The following EXOC3L1 variants were observed in gnomAD, a reference collection of about 807,000 sequenced individuals.
EXOC3L1 encodes the protein exocyst complex component 3 like 1.
In EXOC3L1, 79 loss-of-function variants were observed where a neutral mutation model predicts 83.6. The ratio of observed to expected loss-of-function variants is 0.95; its 90% confidence interval spans 0.79 to 1.14. The LOEUF is 1.14. Ranked by LOEUF, EXOC3L1 falls within the 50% of genes most tolerant of loss-of-function variation. EXOC3L1 has a pLI of 0.00. For missense variants in EXOC3L1, 945 were observed against 972.0 expected (o/e 0.97, Z 0.37); for synonymous variants, 433 against 451.2 (o/e 0.96, Z 0.51).
chr16:67,186,584 A>C lies in EXOC3L1; in HGVS notation c.1358T>G (p.Leu453Arg). Residue 453 changes from leucine to arginine, a missense_variant, in exon 8 of 14, where the codon CTG becomes CGG. Coordinates refer to ENST00000314586, the MANE Select transcript of EXOC3L1 (RefSeq NM_178516.4). Reference sequence around the variant, plus strand: ...CCTCAAGAATGTGCCCAGTTCTGACAGTGCCATGCCATGCACTCGCTGTTG... The same window carrying C: ...CCTCAAGAATGTGCCCAGTTCTGACCGTGCCATGCCATGCACTCGCTGTTG... ...SLQQRVHGMALSELGTFLRSF... is the reference protein window; with the variant it reads ...SLQQRVHGMARSELGTFLRSF... 6.2e-7 allele frequency: 1 copy of C among 1,614,082 alleles called. No individual in the cohort carries two copies. Among genetic ancestry groups the C allele is most frequent in the Non-Finnish European group, 8.5e-7 (1 of 1,179,958 alleles).
Position 67,185,052 on chromosome 16 carries a change from C to A in EXOC3L1, c.1755G>T (p.Leu585=). The A allele has an allele frequency of 1.2e-6, 2 of 1,609,672 alleles. No individual in the cohort carries two copies. The highest frequency in any genetic ancestry group is 4.5e-5 in the East Asian group (2 of 44,798). The change falls in exon 12 of 14, where the codon CTG becomes CTT. Residue 585 remains leucine, a synonymous_variant. Transcript: ENST00000314586. ...CCACGGCACGCTCGGCCTCAGCCAG[C>A]AGCAGCTGCGGGGAGGCAATCAGGC... ...WRVRNPTVQL[L]LAEAERAVVL... is the part of the protein sequence containing the mutation.
Position 67,189,047 on chromosome 16 carries a change from A to G in EXOC3L1, c.180T>C (p.Arg60=). 1 of 1,608,210 alleles carries G rather than the reference A, an allele frequency of 6.2e-7. No homozygotes were observed. Residue 60 remains arginine (R), a synonymous_variant, in exon 3 of 14, where the codon CGT becomes CGC. Transcript: ENST00000314586. The stretch of plus-strand genomic sequence containing the variant: ...TGAGGCGCGATTCCAGGGAGCAGGT[A>G]CGCTGCACCTCGCGGCTGCGGTACT... ...LGQYRSREVQ[R]TCSLESRLKS... is the part of the protein sequence containing the mutation.
intron 2 of EXOC3L1, among the ~76,000 whole-genome samples, chr16:67,189,421 C>G (rs569138868): frequency 2.0e-5 from 3 of 152,178 alleles, no homozygotes; most frequent in African/African-American, 4.8e-5. Context: ...GGATTACAGG[C>G]GCGTGCCATC....
Position 67,184,603 on chromosome 16 carries a change from C to T in EXOC3L1, c.2032G>A (p.Glu678Lys). 2 of 1,584,736 alleles carry T rather than the reference C, an allele frequency of 1.3e-6. No individual in the cohort carries two copies. Among genetic ancestry groups the T allele is most frequent in the Non-Finnish European group, 1.7e-6 (2 of 1,171,780 alleles). ...GLRQQFPDVS[E>K]DHVSALLGLR... ...CCCAAGAGGGCGGAGACGTGGTCCT[C>T]GCTGCAGGGGCACCAAGGAGGCGCG... Residue 678 changes from glutamate (E) to lysine (K), a missense_variant and splice_region_variant, in exon 14 of 14, where the codon GAG becomes AAG. Transcript: ENST00000314586.
rs768754815 is a variant in EXOC3L1 at position 67,185,489 on chromosome 16, A to G, written c.1498T>C (p.Ser500Pro). The change falls in exon 10 of 14, where the codon TCC becomes CCC. Residue 500 changes from serine to proline, a missense_variant and splice_region_variant. Physicochemically the swap from Ser to Pro is moderately conservative, Grantham distance 74. Coordinates refer to ENST00000314586, the MANE Select transcript of EXOC3L1 (RefSeq NM_178516.4). ...TCCAGCTGCAGGACAGACACTGAGG[A>G]GCTGGACCAAGCAAAACTACGGCTT... Reference protein sequence around the residue: ...AALNHKSALSSSVSVLQLDGA... With the variant: ...AALNHKSALSPSVSVLQLDGA... 3.7e-6 allele frequency: 6 copies of G among 1,605,894 alleles called. No homozygotes were observed. In the African/African-American group the frequency reaches 5.3e-5, roughly 14 times the overall value.
rs1487733319 is a variant in EXOC3L1 at position 67,186,299 on chromosome 16, T to C, written c.1434A>G (p.Lys478=). The C allele has an allele frequency of 2.5e-6, 4 of 1,575,412 alleles. No individual in the cohort carries two copies. In the South Asian group the frequency reaches 4.6e-5, roughly 18 times the overall value. Residue 478 remains lysine (K), a synonymous_variant, in exon 9 of 14, where the codon AAA becomes AAG. Transcript: ENST00000314586. ...AGGGCACGTAATGAGGGGCCATTGA[T>C]TTCCCCCTGAAGTGGTCTCGGGAGA... ...IRFSRDHFRG[K]SMAPHYVPYL...
chr16:67,187,401 G>A lies in EXOC3L1; in HGVS notation c.864C>T (p.Ala288=). 3 of 1,612,380 alleles carry A rather than the reference G, an allele frequency of 1.9e-6. No individual in the cohort carries two copies. Among genetic ancestry groups the A allele is most frequent in the Non-Finnish European group, 2.5e-6 (3 of 1,179,918 alleles). The change falls in exon 5 of 14, where the codon GCC becomes GCT. Residue 288 remains alanine, a synonymous_variant. Transcript: ENST00000314586. ...AAGGCGCTACTAGTGCCTCAGCTGT[G>A]GCCAACTCGACTGGCAGGGCCACTC... is the stretch of plus-strand genomic sequence containing the variant. The part of the protein sequence containing the change: ...ALRVALPVEL[A]TAEALVAPCC...
rs752062351 is a variant in EXOC3L1 at position 67,185,425 on chromosome 16, G to A, written c.1562C>T (p.Ala521Val). 33 of 1,612,002 alleles carry A rather than the reference G, an allele frequency of 2.0e-5. No homozygotes were observed. The highest frequency in any genetic ancestry group is 2.8e-5 in the Non-Finnish European group (33 of 1,180,022). The change falls in exon 10 of 14, where the codon GCG (alanine) becomes GTG (valine). Residue 521 changes from alanine (A) to valine (V), a missense_variant. Transcript: ENST00000314586. ...PSGALAPVEA[A>V]LDELQRRIYR... ...GATCCTCCTCTGCAACTCGTCCAGCGCAGCTTCCACTGGAGCCAAGGCCCC... is the reference window on the plus strand; with the variant it reads ...GATCCTCCTCTGCAACTCGTCCAGCACAGCTTCCACTGGAGCCAAGGCCCC...
chr16:67,187,743 C>G lies in EXOC3L1; in HGVS notation c.522G>C (p.Glu174Asp). The change falls in exon 5 of 14, where the codon GAG (glutamate) becomes GAC (aspartate). Residue 174 changes from glutamate to aspartate, a missense_variant. Glu to Asp is a conservative substitution (Grantham distance 45). Coordinates refer to ENST00000314586, the MANE Select transcript of EXOC3L1 (RefSeq NM_178516.4). ...GGCCCCCCAGGGGTGCCCACGTATC[C>G]TCTCGCAGCTGCTCCAGCTCCCGAA... ...VSLRELEQLR[E>D]DTWAPLGGLE... 1 of 1,613,070 alleles carries G rather than the reference C, an allele frequency of 6.2e-7. No homozygotes were observed. Among genetic ancestry groups the G allele is most frequent in the Non-Finnish European group, 8.5e-7 (1 of 1,180,010 alleles).
chr16:67,187,524 G>A lies in EXOC3L1; in HGVS notation c.741C>T (p.Arg247=). 6.2e-7 allele frequency: 1 copy of A among 1,602,522 alleles called. No individual in the cohort carries two copies. The highest frequency in any genetic ancestry group is 8.5e-7 in the Non-Finnish European group (1 of 1,178,306). The change falls in exon 5 of 14, where the codon CGC becomes CGT. Residue 247 remains arginine (R), a synonymous_variant. Transcript: ENST00000314586. ...GGCCCTCCTGTAGTGCCCTCAGACA[G>A]CGCTGACGCCAGTCCCGGGGGACCT... ...LGQVPRDWRQ[R]CLRALQEGLE...
rs755525949 is a variant in EXOC3L1, at chr16:67,187,477, G to T, written c.788C>A (p.Ser263Ter). 3.1e-6 allele frequency: 5 copies of T among 1,606,336 alleles called. No individual in the cohort carries two copies. The highest frequency in any genetic ancestry group is 3.4e-6 in the Non-Finnish European group (4 of 1,179,516). Residue 263 changes from serine (S) to a stop codon, truncating the protein, a stop_gained, in exon 5 of 14, where the codon TCA becomes TAA. Transcript: ENST00000314586. LOFTEE classifies it high-confidence loss of function. ...QEGLEQAHFG[S>*]PLLPAPGALP... ...GGCCCCTGGTGCAGGCAGCAGAGGT[G>T]ACCCAAAGTGGGCCTGCTCCAGGCC... is the stretch of plus-strand genomic sequence containing the variant.
At chr16:67,185,084 A>G (rs1385113667) in intron 11 of EXOC3L1, 27 bp from the exon 12 acceptor site, 1 of 1,611,930 alleles carries the variant, frequency 6.2e-7, no homozygotes, top group African/African-American at 1.3e-5. Context: ...AGGCGGGTGC[A>G]GGTCGCCTCT....
rs1163617508 is a variant in EXOC3L1 at position 67,184,407 on chromosome 16, A to C, written c.2228T>G (p.Leu743Arg). The change falls in exon 14 of 14, where the codon CTG becomes CGG. Residue 743 changes from leucine (L) to arginine (R), a missense_variant. Leu to Arg is a moderately radical substitution (Grantham distance 102, BLOSUM62 -2). Transcript: ENST00000314586. The part of the protein sequence containing the change: ...LPSGSCARAL[L>R]LAE ...GGCAGCCGTGGTTTATTCTGCGAGC[A>C]GCAGGGCTCGGGCGCAGGACCCCGA... 3 of 1,534,030 alleles carry C rather than the reference A, an allele frequency of 2.0e-6. No individual in the cohort carries two copies. Among genetic ancestry groups the C allele is most frequent in the South Asian group, 1.2e-5 (1 of 83,988 alleles).
In EXOC3L1 at chr16:67,188,816, G is replaced by A; in HGVS notation, c.332C>T (p.Ser111Phe). ...SQARGLLQGMSQALQTLEPLR... is the reference protein window; with the variant it reads ...SQARGLLQGMFQALQTLEPLR... ...GGGCTCTAGAGTCTGTAAGGCCTGGGACATGCCCTGGAGCAACCCACGGGC... is the reference window on the plus strand; with the variant it reads ...GGGCTCTAGAGTCTGTAAGGCCTGGAACATGCCCTGGAGCAACCCACGGGC... The change falls in exon 4 of 14, where the codon TCC becomes TTC. Residue 111 changes from serine to phenylalanine, a missense_variant. Transcript: ENST00000314586. The A allele has an allele frequency of 6.2e-7, 1 of 1,613,374 alleles. No homozygotes were observed. Among genetic ancestry groups the A allele is most frequent in the Non-Finnish European group, 8.5e-7 (1 of 1,180,020 alleles).
At position 67,185,469 on chromosome 16, in the gene EXOC3L1, C is replaced by G; in HGVS notation, c.1518G>C (p.Gln506His). The G allele has an allele frequency of 6.2e-7, 1 of 1,609,626 alleles. No individual in the cohort carries two copies. The highest frequency in any genetic ancestry group is 8.5e-7 in the Non-Finnish European group (1 of 1,180,010). The change falls in exon 10 of 14, where the codon CAG (glutamine) becomes CAC (histidine). Residue 506 changes from glutamine to histidine, a missense_variant. Coordinates refer to ENST00000314586, the MANE Select transcript of EXOC3L1 (RefSeq NM_178516.4). ...AGGCCCCTGAAGGCGCCCCGTCCAG[C>G]TGCAGGACAGACACTGAGGAGCTGG... ...SALSSSVSVL[Q>H]LDGAPSGALA...
chr16:67,187,708 G>A lies in EXOC3L1; in HGVS notation c.557C>T (p.Pro186Leu). 1 of 1,612,980 alleles carries A rather than the reference G, an allele frequency of 6.2e-7. No individual in the cohort carries two copies. The highest frequency in any genetic ancestry group is 1.7e-5 in the Admixed American group (1 of 60,014). Residue 186 changes from proline (P) to leucine (L), a missense_variant, in exon 5 of 14, where the codon CCA becomes CTA. Pro to Leu is a moderately conservative substitution (Grantham distance 98). Transcript: ENST00000314586. The part of the protein sequence containing the change: ...TWAPLGGLEL[P>L]VFQGLDLLFE... ...CAGAAGGTCCAGCCCCTGGAAGACT[G>A]GCAACTCCAGGCCCCCCAGGGGTGC...
chr16:67,189,061 G>T lies in EXOC3L1; in HGVS notation c.166C>A (p.Arg56Ser), dbSNP rs771773906. 6.2e-7 allele frequency: 1 copy of T among 1,607,238 alleles called. No individual in the cohort carries two copies. The highest frequency in any genetic ancestry group is 1.1e-5 in the South Asian group (1 of 90,674). ...QLARLGQYRS[R>S]EVQRTCSLES... Reference sequence around the variant, plus strand: ...AGGGAGCAGGTACGCTGCACCTCGCGGCTGCGGTACTGGCCTAGCCTGGCC... The same window carrying T: ...AGGGAGCAGGTACGCTGCACCTCGCTGCTGCGGTACTGGCCTAGCCTGGCC... Residue 56 changes from arginine to serine, a missense_variant, in exon 3 of 14, where the codon CGC becomes AGC. Coordinates refer to ENST00000314586, the MANE Select transcript of EXOC3L1 (RefSeq NM_178516.4).
rs370932028 is a variant in EXOC3L1, at chr16:67,188,244, AAAAAC to A, written c.428-412_428-408del. Among the ~76,000 whole-genome samples, 1,101 of 152,278 alleles carry A rather than the reference AAAAAC, an allele frequency of 7.2e-3. 20 individuals are homozygous for A. Among genetic ancestry groups the A allele is most frequent in the African/African-American group, 0.025 (1,045 of 41,548 alleles). On this transcript the variant is annotated intron_variant, in intron 4 of 13. Transcript: ENST00000314586. ...GGGTGACAGAGTGAGACTCTGTTTC[AAAAAC>A]AAAACAAAACAAAAAATGAACAAAA...
In EXOC3L1 at chr16:67,185,509, C is replaced by T. The variant is rs371266186; in HGVS notation, c.1497-19G>A. 6.2e-6 allele frequency: 10 copies of T among 1,601,434 alleles called. No homozygotes were observed. Among genetic ancestry groups the T allele is most frequent in the East Asian group, 2.2e-5 (1 of 44,876 alleles). Reference sequence around the variant, plus strand: ...TGAGGAGCTGGACCAAGCAAAACTACGGCTTCAGGACCAAGGCCAAGGCCC... The same window carrying T: ...TGAGGAGCTGGACCAAGCAAAACTATGGCTTCAGGACCAAGGCCAAGGCCC... On this transcript the variant is annotated intron_variant, in intron 9 of 13. Transcript: ENST00000314586.
Sources: allele counts gnomAD v4.1 joint callset (sites outside exome capture counted in the v4.1 genomes callset), GRCh38; gene constraint gnomAD v4.1.1; transcripts MANE v1.5; gene names NCBI Gene and HGNC (gene_info 2026-07-23, HGNC 2026-07-21).